ZNF609: variants seen among roughly 807,000 people sequenced by gnomAD.
The protein encoded by ZNF609 is zinc finger protein 609.
Under a neutral mutation model 109.5 loss-of-function variants are expected in ZNF609, and 11 were observed. The ratio of observed to expected loss-of-function variants is 0.10; its 90% CI spans 0.06 to 0.17. ZNF609 has a LOEUF of 0.17. Ranked by LOEUF, ZNF609 falls within the 10% of genes least tolerant of loss-of-function variation. The pLI is 1.00. For synonymous variants in ZNF609, 646 were observed against 662.0 expected, an observed-to-expected ratio of 0.98 and a Z score of 0.37; for missense variants, 1,559 against 1,772.4, an observed-to-expected ratio of 0.88 and a Z score of 2.16.
Position 64,508,653 on chromosome 15 carries a change from A to G in ZNF609, c.747+8487A>G, listed in dbSNP as rs1893669666. ...TCTCAGACCTCCTCCCAGTCCCTAA[A>G]GTTAGAAACTCTAGGCTTGAGACCC... On this transcript the variant is annotated intron_variant, in intron 2 of 9. Coordinates refer to ENST00000326648, the MANE Select transcript of ZNF609 (RefSeq NM_015042.2). 2.6e-5 allele frequency among the ~76,000 whole-genome samples: 4 copies of G among 151,484 alleles called. No homozygotes were observed. The South Asian group carries it at 8.4e-4, about 32-fold the overall frequency.
chr15:64,633,426 C>T (rs753619599), intron 3 of ZNF609, among the ~76,000 whole-genome samples: 5 of 152,114 alleles, frequency 3.3e-5, no homozygotes, highest in Non-Finnish European at 5.9e-5. Flanking sequence ...GGACTATAGG[C>T]GTGAACCACT....
intron 2 of ZNF609, among the ~76,000 whole-genome samples, chr15:64,562,829 C>G (rs1184474793): frequency 6.6e-6 from 1 of 150,944 alleles, no homozygotes; most frequent in Non-Finnish European, 1.5e-5. Flanking sequence ...TTTTTATTTT[C>G]TAGCAGCAGC....
intron 1 of ZNF609, among the ~76,000 whole-genome samples, chr15:64,477,286 G>A (rs764309319): frequency 2.0e-5 from 3 of 151,332 alleles, no homozygotes; most frequent in Non-Finnish European, 4.4e-5. Flanking sequence ...GACTACAGGC[G>A]CCTGCCCCCA....
intron 2 of ZNF609, among the ~76,000 whole-genome samples, chr15:64,583,205 G>A (rs566478471): frequency 4.6e-4 from 70 of 150,542 alleles, no homozygotes; most frequent in African/African-American, 1.7e-3. Flanking sequence ...GCTAATTTTT[G>A]TATTTTTAGT....
rs947889305 is a variant in ZNF609 at position 64,478,293 on chromosome 15, T to C, written c.-128+17455T>C. Reference sequence around the variant, plus strand: ...TAAGTGTGCCATGGCCTCAAACTCATAGGCTTGAGCTGTCTTCCTACCTCA... The same window carrying C: ...TAAGTGTGCCATGGCCTCAAACTCACAGGCTTGAGCTGTCTTCCTACCTCA... On this transcript the variant is annotated intron_variant, in intron 1 of 9. Transcript: ENST00000326648. 4.6e-5 allele frequency among the ~76,000 whole-genome samples: 7 copies of C among 151,518 alleles called. No individual in the cohort carries two copies. The East Asian group carries it at 1.4e-3, about 30-fold the overall frequency.
rs980983424 is a variant in ZNF609 at position 64,466,494 on chromosome 15, T to C, written c.-128+5656T>C. Among the ~76,000 whole-genome samples, 14 of 152,274 alleles carry C rather than the reference T, an allele frequency of 9.2e-5. No homozygotes were observed. The South Asian group carries it at 2.7e-3, about 29-fold the overall frequency. ...AACTGTTTTAAAGTTCAGAAATCTC[T>C]TTCCCACAGCCCAAGTGGAGTGAAG... On this transcript the variant is annotated intron_variant, in intron 1 of 9. Coordinates refer to ENST00000326648, the MANE Select transcript of ZNF609 (RefSeq NM_015042.2).
chr15:64,505,113 T>C (rs752273081), intron 2 of ZNF609, among the ~76,000 whole-genome samples: 50 of 152,360 alleles, frequency 3.3e-4, no homozygotes, highest in Admixed American at 7.2e-4. Flanking sequence ...TTTAGGATTT[T>C]AGGTAAGGTA....
At chr15:64,467,987 T>G (rs1893037944) in intron 1 of ZNF609, among the ~76,000 whole-genome samples, 1 of 152,092 alleles carries the variant, frequency 6.6e-6, no homozygotes, top group Non-Finnish European at 1.5e-5. Context: ...TCTAAGAGTG[T>G]TATGTTTTCT....
chr15:64,626,473 C>G (rs1027855918), intron 3 of ZNF609, among the ~76,000 whole-genome samples: 1 of 152,034 alleles, frequency 6.6e-6, no homozygotes, highest in Non-Finnish European at 1.5e-5. Context: ...TTCTGCCTCT[C>G]GACATTTTGT....
intron 2 of ZNF609, among the ~76,000 whole-genome samples, chr15:64,508,277 G>A (rs1467256626): frequency 1.3e-5 from 2 of 152,202 alleles, no homozygotes; most frequent in African/African-American, 2.4e-5. Context: ...GTTGCTCAAG[G>A]AGGCCCAAAG....
chr15:64,624,836 T>A (rs575996), intron 3 of ZNF609, among the ~76,000 whole-genome samples: 6 of 149,658 alleles, frequency 4.0e-5, no homozygotes, highest in East Asian at 2.0e-4. Flanking sequence ...CTTGGCTCAC[T>A]GCAACCTCTG....
intron 2 of ZNF609, among the ~76,000 whole-genome samples, chr15:64,517,253 T>C (rs941142892): frequency 6.6e-6 from 1 of 152,098 alleles, no homozygotes. Flanking sequence ...GGTGCATGCC[T>C]GTAGTCCAAG....
At position 64,674,491 on chromosome 15, in the gene ZNF609, G is replaced by A. The variant is rs139717821; in HGVS notation, c.1637G>A (p.Gly546Glu). Reference sequence around the variant, plus strand: ...GAACCTATTCTCCATGCAGATCTTGGGAGCTGCAACGGTGCATCTGTCTCA... The same window carrying A: ...GAACCTATTCTCCATGCAGATCTTGAGAGCTGCAACGGTGCATCTGTCTCA... ...GEEPILHADLGSCNGASVSQK... is the reference protein window; with the variant it reads ...GEEPILHADLESCNGASVSQK... The change falls in exon 5 of 10, where the codon GGG becomes GAG. Residue 546 changes from glycine to glutamate, a missense_variant. Gly to Glu is a moderately conservative substitution (Grantham distance 98). Around this residue, in one of 4 missense-constraint regions of ZNF609, gnomAD observed 1,204 missense variants for 1,314.1 expected, o/e 0.92. Transcript: ENST00000326648. 4.4e-5 allele frequency: 71 copies of A among 1,614,110 alleles called. No individual in the cohort carries two copies. The African/African-American group carries it at 8.1e-4, about 18-fold the overall frequency.
At chr15:64,535,352 T>C (rs916922163) in intron 2 of ZNF609, among the ~76,000 whole-genome samples, 1 of 152,194 alleles carries the variant, frequency 6.6e-6, no homozygotes, top group Non-Finnish European at 1.5e-5. Context: ...AAAAATGTTA[T>C]ATAAATTGAA....
intron 2 of ZNF609, among the ~76,000 whole-genome samples, chr15:64,588,200 G>T (rs1185467613): frequency 6.7e-6 from 1 of 149,874 alleles, no homozygotes; most frequent in African/African-American, 2.4e-5. Context: ...AGGCCGAGGC[G>T]GGCGGATCAC....
chr15:64,510,111 A>C (rs1040548522), intron 2 of ZNF609, among the ~76,000 whole-genome samples: 1 of 152,222 alleles, frequency 6.6e-6, no homozygotes, highest in African/African-American at 2.4e-5. Context: ...ACATCATCAC[A>C]AAGAGGGTGA....
chr15:64,475,097 CTTTTT>C (rs56289189), intron 1 of ZNF609, among the ~76,000 whole-genome samples: 25 of 93,026 alleles, frequency 2.7e-4, no homozygotes, highest in Admixed American at 6.2e-4. Context: ...CCAGTTTATC[CTTTTT>C]TTTTTTTTTT....
chr15:64,489,271 C>T (rs562550884), intron 1 of ZNF609, among the ~76,000 whole-genome samples: 14 of 150,814 alleles, frequency 9.3e-5, no homozygotes, highest in African/African-American at 2.7e-4. Flanking sequence ...CTGCAACCTC[C>T]GCCCTCCAAG....
chr15:64,618,772 A>C, intron 2 of ZNF609, among the ~76,000 whole-genome samples: 1 of 151,332 alleles, frequency 6.6e-6, no homozygotes. Context: ...GCTCCTCTCA[A>C]CGCCCTCTCG....
Sources: gnomAD v4.1 joint callset for allele counts (sites outside exome capture counted in the v4.1 genomes callset) on GRCh38, gnomAD v4.1.1 for gene constraint, gnomAD v4.1.1 regional missense constraint, MANE v1.5 for transcripts, NCBI Gene and HGNC (gene_info 2026-07-23, HGNC 2026-07-21) for gene names.